Variants in RARB observed in about 807,000 individuals in gnomAD.
The protein encoded by RARB is HBV-activated protein.
A neutral mutation model predicts 51.9 loss-of-function variants in RARB; 17 were observed. That is an observed-to-expected ratio of 0.33 (90% CI 0.22 to 0.49). RARB has a LOEUF of 0.49. Among genes scored for constraint, RARB ranks in the 20% least tolerant of loss-of-function variants. RARB has a pLI of 0.99. For synonymous variants in RARB, 215 were observed against 195.4 expected, an observed-to-expected ratio of 1.10 and a Z score of -0.84; for missense variants, 369 against 550.8, an observed-to-expected ratio of 0.67 and a Z score of 3.30.
At chr3:25,095,666 C>G (rs62230271) in intron 3 of RARB, among the ~76,000 whole-genome samples, 6,260 of 152,046 alleles carry the variant, frequency 0.041, 169 homozygotes, top group Middle Eastern at 0.075. Flanking sequence ...AGGTTGCGAA[C>G]AGCAAGAATA....
chr3:24,933,550 A>G (rs751421695), intron 2 of RARB, among the ~76,000 whole-genome samples: 4 of 152,028 alleles, frequency 2.6e-5, no homozygotes, highest in Non-Finnish European at 4.4e-5. Context: ...CAGGCAGGAG[A>G]CGCAGTAAGG....
chr3:24,993,233 A>G (rs6799442), intron 2 of RARB, among the ~76,000 whole-genome samples: 12,841 of 152,142 alleles, frequency 0.084, 1,711 homozygotes, highest in African/African-American at 0.29. Context: ...ATGGTGTAGA[A>G]TATGTTTTGA....
At chr3:25,417,081 A>G (rs1707723952) in intron 5 of RARB, among the ~76,000 whole-genome samples, 1 of 152,120 alleles carries the variant, frequency 6.6e-6, no homozygotes, top group South Asian at 2.1e-4. Flanking sequence ...TAGCCAGAAC[A>G]AGCCTAAGCC....
intron 5 of RARB, among the ~76,000 whole-genome samples, chr3:25,339,914 A>T (rs1418074266): frequency 6.6e-6 from 1 of 152,192 alleles, no homozygotes; most frequent in African/African-American, 2.4e-5. Context: ...CAGTTTTTAT[A>T]TTGCAATTTA....
At chr3:25,168,353 T>A (rs1009134523) in intron 4 of RARB, among the ~76,000 whole-genome samples, 1 of 152,112 alleles carries the variant, frequency 6.6e-6, no homozygotes, top group African/African-American at 2.4e-5. Flanking sequence ...GCCTCCCAAG[T>A]AGCTGGGATT....
At position 25,064,355 on chromosome 3, in the gene RARB, T is replaced by C. The variant is rs1296418681; in HGVS notation, c.-328+4179T>C. Among the ~76,000 whole-genome samples the C allele has an allele frequency of 4.9e-4, 75 of 152,164 alleles. 1 individual carries two copies. Among genetic ancestry groups the C allele is most frequent in the Admixed American group, 4.9e-3 (75 of 15,260 alleles). ...TCTATTTTATTCTTATGCTGATTTATCCCCAAAGTATCTTTTTGATATACA... is the reference window on the plus strand; with the variant it reads ...TCTATTTTATTCTTATGCTGATTTACCCCCAAAGTATCTTTTTGATATACA... On this transcript the variant is annotated intron_variant, in intron 3 of 11. Coordinates refer to the RARB transcript ENST00000383772.
intron 2 of RARB, among the ~76,000 whole-genome samples, chr3:25,476,682 T>C (rs1456661380): frequency 1.3e-5 from 2 of 152,162 alleles, no homozygotes; most frequent in African/African-American, 4.8e-5. Context: ...AGAGACCCAG[T>C]CGTGGGCCTA....
intron 5 of RARB, among the ~76,000 whole-genome samples, chr3:25,407,931 A>G (rs543813815): frequency 3.9e-5 from 6 of 152,284 alleles, no homozygotes; most frequent in African/African-American, 1.4e-4. Context: ...CATGTCTCCC[A>G]AGATCCCTAG....
intron 5 of RARB, among the ~76,000 whole-genome samples, chr3:25,227,292 CAT>C (rs1382334380): frequency 1.3e-5 from 2 of 152,170 alleles, no homozygotes; most frequent in African/African-American, 4.8e-5. Flanking sequence ...ATCAGTTTGA[CAT>C]ATTAACTAAG....
At chr3:24,969,556 G>C (rs1437192976) in intron 2 of RARB, among the ~76,000 whole-genome samples, 1 of 152,056 alleles carries the variant, frequency 6.6e-6, no homozygotes, top group Non-Finnish European at 1.5e-5. Context: ...AGGTTATTCT[G>C]TCTCTTTTAT....
chr3:25,127,904 C>G (rs1699887433), intron 3 of RARB, among the ~76,000 whole-genome samples: 1 of 152,052 alleles, frequency 6.6e-6, no homozygotes, highest in Non-Finnish European at 1.5e-5. Context: ...CATTAAGTTT[C>G]ATTTTGAAAA....
chr3:25,547,557 C>A (rs1448952370), intron 3 of RARB, among the ~76,000 whole-genome samples: 1 of 152,206 alleles, frequency 6.6e-6, no homozygotes, highest in Non-Finnish European at 1.5e-5. Context: ...CCTAGTGAAC[C>A]CCCTGCAGAA....
intron 5 of RARB, among the ~76,000 whole-genome samples, chr3:25,330,059 G>A (rs978637993): frequency 2.6e-5 from 4 of 152,082 alleles, no homozygotes; most frequent in African/African-American, 7.2e-5. Context: ...TGAAAGTGAC[G>A]GGGACAATGG....
chr3:25,010,732 A>G (rs1697377660), intron 2 of RARB, among the ~76,000 whole-genome samples: 1 of 152,132 alleles, frequency 6.6e-6, no homozygotes, highest in African/African-American at 2.4e-5. Context: ...ATTTGCTCAG[A>G]GTCAAATCCT....
rs201745230 is a variant in RARB, at chr3:25,428,860, C to T, written c.129C>T (p.Thr43=). The T allele has an allele frequency of 2.2e-5, 35 of 1,612,938 alleles. No homozygotes were observed. The highest frequency in any genetic ancestry group is 3.0e-5 in the Non-Finnish European group (35 of 1,179,192). Residue 43 remains threonine, a synonymous_variant, in exon 1 of 8, where the codon ACC becomes ACT. Transcript: ENST00000330688. ...LKACFSGLTQ[T]EWQHRHTAQS... ...CATGCTTCAGTGGATTGACCCAAAC[C>T]GAATGGCAGCATCGGCACACTGCTC...
At chr3:25,237,940 T>G (rs953516722) in intron 5 of RARB, among the ~76,000 whole-genome samples, 1 of 152,184 alleles carries the variant, frequency 6.6e-6, no homozygotes, top group Non-Finnish European at 1.5e-5. Flanking sequence ...ATGTGATACT[T>G]TGTTGCATGC....
At chr3:24,871,178 G>C (rs1702939995) in intron 2 of RARB, among the ~76,000 whole-genome samples, 1 of 152,076 alleles carries the variant, frequency 6.6e-6, no homozygotes, top group African/African-American at 2.4e-5. Flanking sequence ...TAACCAGCAT[G>C]TTTGAAGTTT....
intron 2 of RARB, among the ~76,000 whole-genome samples, chr3:24,880,241 T>C (rs1477438980): frequency 6.6e-6 from 1 of 151,966 alleles, no homozygotes; most frequent in Non-Finnish European, 1.5e-5. Flanking sequence ...TATGTATGGC[T>C]ATCAGACATT....
At chr3:24,829,910 C>T (rs1404978120) in intron 1 of RARB, among the ~76,000 whole-genome samples, 1 of 152,222 alleles carries the variant, frequency 6.6e-6, no homozygotes, top group Non-Finnish European at 1.5e-5. Context: ...GCTCCATTCC[C>T]CTGTGGGGAT....
Sources: allele counts gnomAD v4.1 joint callset (sites outside exome capture counted in the v4.1 genomes callset), GRCh38; gene constraint gnomAD v4.1.1; transcripts MANE v1.5; gene names NCBI Gene and HGNC (gene_info 2026-07-23, HGNC 2026-07-21).